NTM: variants seen among roughly 807,000 people sequenced by gnomAD.
NTM encodes the protein IgLON family member 2.
Under a neutral mutation model 42.1 loss-of-function variants are expected in NTM, and 13 were observed. The observed-to-expected ratio is 0.31, with a 90% CI of 0.20 to 0.49. The LOEUF (loss-of-function observed/expected upper bound fraction) is 0.49, where lower values mean the gene tolerates loss of function less well. NTM is among the 20% of genes least tolerant of loss of function. The pLI is 0.99. For synonymous variants in NTM, 187 were observed against 179.2 expected (o/e 1.04, Z -0.35); for missense variants, 373 against 452.8 (o/e 0.82, Z 1.60).
At chr11:132,280,716 C>T (rs1454345944) in intron 4 of NTM, among the ~76,000 whole-genome samples, 1 of 152,012 alleles carries the variant, frequency 6.6e-6, no homozygotes, top group Non-Finnish European at 1.5e-5. Context: ...GAATGGCTGA[C>T]CTCAGGTGAT....
intron 1 of NTM, among the ~76,000 whole-genome samples, chr11:131,717,704 TTTC>T (rs1192975804): frequency 6.6e-6 from 1 of 152,222 alleles, no homozygotes; most frequent in African/African-American, 2.4e-5. Context: ...ATGCCTTTTA[TTTC>T]TTCTTCTTGC....
intron 2 of NTM, among the ~76,000 whole-genome samples, chr11:131,976,745 GT>G (rs2064446794): frequency 6.6e-6 from 1 of 152,162 alleles, no homozygotes; most frequent in Non-Finnish European, 1.5e-5. Flanking sequence ...TCAGGCCTCT[GT>G]TTCTAATTTG....
At chr11:132,186,194 C>T (rs1030020729) in intron 3 of NTM, among the ~76,000 whole-genome samples, 1 of 152,202 alleles carries the variant, frequency 6.6e-6, no homozygotes, top group African/African-American at 2.4e-5. Flanking sequence ...TGCGGTGGCT[C>T]TCTCATCACT....
At chr11:132,001,456 G>A (rs559688073) in intron 2 of NTM, among the ~76,000 whole-genome samples, 49 of 152,270 alleles carry the variant, frequency 3.2e-4, no homozygotes, top group Middle Eastern at 3.4e-3. Flanking sequence ...GTTTCTTCAG[G>A]CTGTACAGGA....
intron 1 of NTM, among the ~76,000 whole-genome samples, chr11:131,424,404 C>T (rs573202342): frequency 1.3e-5 from 2 of 151,988 alleles, no homozygotes; most frequent in South Asian, 4.2e-4. Context: ...ATTTCAGTTT[C>T]TCAGGGATGT....
intron 4 of NTM, among the ~76,000 whole-genome samples, chr11:132,234,383 T>A (rs186420391): frequency 1.3e-5 from 2 of 152,316 alleles, no homozygotes; most frequent in East Asian, 3.9e-4. Context: ...TGCATACTCC[T>A]TATCTCTGCT....
rs963186936 is a variant in NTM at position 131,490,131 on chromosome 11, C to T, written c.82+119243C>T. ...CTAATAGTGAGGATTCACTCACTAC[C>T]GGGAGAATGACACCAAGTCATTCAT... On this transcript the variant is annotated intron_variant, in intron 1 of 8. Coordinates refer to ENST00000683400, the MANE Select transcript of NTM (RefSeq NM_001352005.2). Among the ~76,000 whole-genome samples, 9 of 152,232 alleles carry T rather than the reference C, an allele frequency of 5.9e-5. No homozygotes were observed. In the South Asian group the frequency reaches 6.2e-4, roughly 11 times the overall value.
At chr11:131,669,211 G>T (rs1303235850) in intron 1 of NTM, among the ~76,000 whole-genome samples, 4 of 152,060 alleles carry the variant, frequency 2.6e-5, no homozygotes, top group African/African-American at 9.7e-5. Context: ...AGAGAACAAG[G>T]CTGAGGATTT....
intron 1 of NTM, among the ~76,000 whole-genome samples, chr11:131,845,499 A>C (rs2044784219): frequency 6.6e-6 from 1 of 152,116 alleles, no homozygotes; most frequent in African/African-American, 2.4e-5. Flanking sequence ...GCCCTCCCCC[A>C]GCCCTACTAA....
chr11:132,071,956 T>C (rs963624761), intron 2 of NTM, among the ~76,000 whole-genome samples: 2 of 152,180 alleles, frequency 1.3e-5, no homozygotes, highest in Non-Finnish European at 2.9e-5. Flanking sequence ...GAATCAGCTC[T>C]TGGAGAACTC....
intron 2 of NTM, among the ~76,000 whole-genome samples, chr11:131,920,808 T>TA (rs1317197061): frequency 3.3e-5 from 5 of 152,130 alleles, no homozygotes; most frequent in African/African-American, 2.4e-5. Context: ...GATGGAAAAT[T>TA]AAAAAAACTA....
intron 1 of NTM, among the ~76,000 whole-genome samples, chr11:131,910,399 TCCTGG>T (rs2054550020): frequency 6.6e-6 from 1 of 151,926 alleles, no homozygotes; most frequent in African/African-American, 2.4e-5. Context: ...ATGGTTAAAC[TCCTGG>T]CCTGGGCTGG....
chr11:131,422,955 A>G (rs12576228), intron 1 of NTM, among the ~76,000 whole-genome samples: 9,557 of 152,284 alleles, frequency 0.063, 1,507 homozygotes, highest in East Asian at 0.62. Flanking sequence ...AAAATAATCA[A>G]TAACAAGATC....
chr11:132,223,318 C>T (rs2085529863), intron 4 of NTM, among the ~76,000 whole-genome samples: 1 of 152,108 alleles, frequency 6.6e-6, no homozygotes, highest in Admixed American at 6.6e-5. Context: ...ATGGTAATTG[C>T]TTTAGGGTAA....
chr11:131,687,484 G>A (rs2074039896), intron 1 of NTM, among the ~76,000 whole-genome samples: 1 of 152,184 alleles, frequency 6.6e-6, no homozygotes, highest in Non-Finnish European at 1.5e-5. Context: ...ACCATCACCG[G>A]CCTGGCCCCA....
chr11:131,789,913 G>A lies in NTM; in HGVS notation c.83-121651G>A, dbSNP rs368466967. Among the ~76,000 whole-genome samples, 1,032 of 125,162 alleles carry A rather than the reference G, an allele frequency of 8.2e-3. 16 individuals are homozygous for A. The highest frequency in any genetic ancestry group is 0.07 in the South Asian group (284 of 4,046). 82.1% of individuals were successfully genotyped at this position (125,162 alleles called of 152,430 possible). ...GGAGCTTGCAGTGAGCCGAGATCGC[G>A]CCACTGCACTCCAGCCTGGGCGACA... On this transcript the variant is annotated intron_variant, in intron 1 of 8. Transcript: ENST00000683400.
intron 1 of NTM, among the ~76,000 whole-genome samples, chr11:131,860,431 T>A (rs1043967470): frequency 6.6e-6 from 1 of 152,146 alleles, no homozygotes; most frequent in Non-Finnish European, 1.5e-5. Context: ...TCCACAAAAA[T>A]GCAGCAAAAC....
intron 3 of NTM, among the ~76,000 whole-genome samples, chr11:132,207,414 G>A (rs961568345): frequency 3.3e-4 from 50 of 152,096 alleles, no homozygotes; most frequent in African/African-American, 9.7e-4. Context: ...GGACCCCCTA[G>A]TTGCAGGAAA....
At chr11:131,799,596 G>T (rs897501324) in intron 1 of NTM, among the ~76,000 whole-genome samples, 32 of 152,238 alleles carry the variant, frequency 2.1e-4, no homozygotes, top group African/African-American at 6.7e-4. Context: ...AATACATCCC[G>T]GCTCAGTGGA....
Sources: gnomAD v4.1 joint callset for allele counts (sites outside exome capture counted in the v4.1 genomes callset) on GRCh38, gnomAD v4.1.1 for gene constraint, MANE v1.5 for transcripts, NCBI Gene and HGNC (gene_info 2026-07-23, HGNC 2026-07-21) for gene names.